The following PCNX4 variants were observed in gnomAD, a reference collection of about 807,000 sequenced individuals.
PCNX4 encodes pecanex-like protein 4.
In PCNX4, 103 loss-of-function variants were observed where a neutral mutation model predicts 107.2. The observed-to-expected ratio is 0.96, with a 90% CI of 0.82 to 1.13. The LOEUF (loss-of-function observed/expected upper bound fraction) is 1.13. Ranked by LOEUF, PCNX4 falls within the 50% of genes most tolerant of loss-of-function variation. The pLI, the probability that PCNX4 is intolerant of heterozygous loss-of-function variation, is 0.00. For missense variants in PCNX4, 1,528 were observed against 1,379.4 expected (o/e 1.11, Z -1.71); for synonymous variants, 541 against 481.7 (o/e 1.12, Z -1.61).
intron 1 of PCNX4, among the ~76,000 whole-genome samples, chr14:60,101,584 C>A (rs1340351097): frequency 6.6e-6 from 1 of 151,986 alleles, no homozygotes; most frequent in Non-Finnish European, 1.5e-5. Context: ...ATCAAAAAAA[C>A]AAAAGAGTGT....
rs1417003935 is a variant in PCNX4, at chr14:60,141,586, A to G, written c.*7365A>G. 1.3e-5 allele frequency: 2 copies of G among 152,194 alleles called. No individual in the cohort carries two copies. Among genetic ancestry groups the G allele is most frequent in the African/African-American group, 4.8e-5 (2 of 41,432 alleles). 9.4% of individuals were successfully genotyped at this position (152,194 alleles called of 1,614,324 possible). On this transcript the variant is annotated 3_prime_UTR_variant, in exon 11 of 11. Coordinates refer to ENST00000406854, the MANE Select transcript of PCNX4 (RefSeq NM_001330177.2). ...ACTCAACCAAGATGAAATAATCTGA[A>G]TATCCTATAACCATTAAAGAATTAA... is the stretch of plus-strand genomic sequence containing the variant.
intron 6 of PCNX4, among the ~76,000 whole-genome samples, chr14:60,117,388 T>C (rs1895869643): frequency 6.6e-6 from 1 of 152,206 alleles, no homozygotes; most frequent in South Asian, 2.1e-4. Flanking sequence ...TACTGTAACA[T>C]TCAGTACAGG....
chr14:60,110,024 T>A (rs1319675276), intron 2 of PCNX4: 1 of 167,048 alleles, frequency 6.0e-6, no homozygotes, highest in African/African-American at 2.4e-5. Context: ...GAACCAGAAC[T>A]TGAAGATTTG....
rs1251400810 is a variant in PCNX4 at position 60,115,759 on chromosome 14, T to C, written c.1398T>C (p.Ser466=). 2 of 1,613,404 alleles carry C rather than the reference T, an allele frequency of 1.2e-6. No homozygotes were observed. Among genetic ancestry groups the C allele is most frequent in the East Asian group, 4.5e-5 (2 of 44,862 alleles). Reference sequence around the variant, plus strand: ...TGATAGCATTTCTTTCATTGGACAGTTCCTTACAAGGGCTCCACTCAGTGT... The same window carrying C: ...TGATAGCATTTCTTTCATTGGACAGCTCCTTACAAGGGCTCCACTCAGTGT... ...FAMIAFLSLD[S]SLQGLHSVSV... Residue 466 remains serine (S), a synonymous_variant, in exon 5 of 11, where the codon AGT becomes AGC. Transcript: ENST00000406854.
At position 60,125,648 on chromosome 14, in the gene PCNX4, A is replaced by C. The variant is rs1174115378; in HGVS notation, c.3092A>C (p.Lys1031Thr). 1 of 1,525,722 alleles carries C rather than the reference A, an allele frequency of 6.6e-7. No homozygotes were observed. The highest frequency in any genetic ancestry group is 2.3e-5 in the Admixed American group (1 of 43,764). 94.5% of individuals were successfully genotyped at this position (1,525,722 alleles called of 1,614,324 possible). A position where few individuals can be genotyped will look rare whatever the true frequency, so the allele number is the denominator to read the frequency against. The stretch of plus-strand genomic sequence containing the variant: ...TCCATTTTTTTTAGGTATACTCTGA[A>C]ACTAATGATTGATAAAGCAAGTTTA... Reference protein sequence around the residue: ...LALKAFRYTLKLMIDKASLGP... With the variant: ...LALKAFRYTLTLMIDKASLGP... Residue 1031 changes from lysine (K) to threonine (T), a missense_variant, in exon 10 of 11, where the codon AAA becomes ACA. Coordinates refer to ENST00000406854, the MANE Select transcript of PCNX4 (RefSeq NM_001330177.2).
chr14:60,129,170 G>A (rs1466943139), intron 10 of PCNX4, among the ~76,000 whole-genome samples: 2 of 151,866 alleles, frequency 1.3e-5, no homozygotes, highest in Non-Finnish European at 2.9e-5. Flanking sequence ...AACCCAGAAG[G>A]TGGAGGTTGC....
chr14:60,129,205 A>C (rs1432049633), intron 10 of PCNX4, among the ~76,000 whole-genome samples: 1 of 148,252 alleles, frequency 6.7e-6, no homozygotes, highest in Non-Finnish European at 1.5e-5. Context: ...GCACCACTGC[A>C]CTCCAGCCTG....
At position 60,129,230 on chromosome 14, in the gene PCNX4, G is replaced by A. The variant is rs1367977041; in HGVS notation, c.3267+3407G>A. Among the ~76,000 whole-genome samples, 7 of 135,274 alleles carry A rather than the reference G, an allele frequency of 5.2e-5. No individual in the cohort carries two copies. The South Asian group carries it at 1.5e-3, about 28-fold the overall frequency. 88.7% of individuals were successfully genotyped at this position (135,274 alleles called of 152,430 possible). On this transcript the variant is annotated intron_variant, in intron 10 of 10. Transcript: ENST00000406854. ...ACTCCAGCCTGGGCAACAAGAGCGAGACTCCATCTCAAAAAAAAAAAAAGA... is the reference window on the plus strand; with the variant it reads ...ACTCCAGCCTGGGCAACAAGAGCGAAACTCCATCTCAAAAAAAAAAAAAGA...
At chr14:60,099,954 A>G (rs1895498163) in intron 1 of PCNX4, among the ~76,000 whole-genome samples, 1 of 152,162 alleles carries the variant, frequency 6.6e-6, no homozygotes, top group East Asian at 1.9e-4. Flanking sequence ...CGTCCCGGCT[A>G]CTTGGGAGGC....
chr14:60,113,457 C>T (rs1015807980), intron 2 of PCNX4, among the ~76,000 whole-genome samples: 9 of 152,074 alleles, frequency 5.9e-5, no homozygotes, highest in African/African-American at 2.2e-4. Context: ...GAACCTCCGC[C>T]TCCCAGGTTC....
chr14:60,131,218 C>T (rs1249919864), intron 10 of PCNX4, among the ~76,000 whole-genome samples: 3 of 151,988 alleles, frequency 2.0e-5, no homozygotes, highest in Non-Finnish European at 4.4e-5. Flanking sequence ...AGCTAAGACA[C>T]CAGAGTAATT....
rs1472912049 is a variant in PCNX4 at position 60,125,776 on chromosome 14, T to C, written c.3220T>C (p.Leu1074=). The C allele has an allele frequency of 1.2e-6, 2 of 1,611,008 alleles. No homozygotes were observed. Among genetic ancestry groups the C allele is most frequent in the African/African-American group, 2.7e-5 (2 of 74,784 alleles). ...TGATGAAAAGTGGAAGGAAGCAATT[T>C]TACAAGAAAAGCCATACTTGTTTTC... ...VSDEKWKEAI[L]QEKPYLFSLG... is the part of the protein sequence containing the mutation. The change falls in exon 10 of 11, where the codon TTA becomes CTA. Residue 1074 remains leucine (L), a synonymous_variant. Coordinates refer to ENST00000406854, the MANE Select transcript of PCNX4 (RefSeq NM_001330177.2).
Position 60,092,341 on chromosome 14 carries a change from A to T in PCNX4, c.-132A>T, listed in dbSNP as rs1354637193. 1 of 152,250 alleles carries T rather than the reference A, an allele frequency of 6.6e-6. No individual in the cohort carries two copies. The highest frequency in any genetic ancestry group is 1.5e-5 in the Non-Finnish European group (1 of 68,066). 9.4% of individuals were successfully genotyped at this position (152,250 alleles called of 1,614,324 possible). A position where few individuals can be genotyped will look rare whatever the true frequency, so the allele number is the denominator to read the frequency against. On this transcript the variant is annotated 5_prime_UTR_variant, in exon 1 of 11. Transcript: ENST00000406854. Reference sequence around the variant, plus strand: ...GGGCACTAACCAACCTCCCGGCGGGAGCGCCCAGCCCGAGTTTACCTGCAA... The same window carrying T: ...GGGCACTAACCAACCTCCCGGCGGGTGCGCCCAGCCCGAGTTTACCTGCAA...
Position 60,107,700 on chromosome 14 carries a change from C to A in PCNX4, c.62C>A (p.Pro21Gln). 9 of 1,612,822 alleles carry A rather than the reference C, an allele frequency of 5.6e-6. No homozygotes were observed. Among genetic ancestry groups the A allele is most frequent in the Non-Finnish European group, 7.6e-6 (9 of 1,179,876 alleles). Residue 21 changes from proline to glutamine, a missense_variant, in exon 2 of 11, where the codon CCA becomes CAA. Coordinates refer to ENST00000406854, the MANE Select transcript of PCNX4 (RefSeq NM_001330177.2). Reference sequence around the variant, plus strand: ...CAGGACTTCTTTCTGAAGCGCTTTCCACAGACTGTTCTTGGAGGCCCTCGA... The same window carrying A: ...CAGGACTTCTTTCTGAAGCGCTTTCAACAGACTGTTCTTGGAGGCCCTCGA... ...YKQDFFLKRF[P>Q]QTVLGGPRFK...
In PCNX4 at chr14:60,139,368, TACAAAGAG is replaced by T. The variant is rs1038646881; in HGVS notation, c.*5149_*5156del. The T allele has an allele frequency of 2.0e-5, 3 of 151,840 alleles. No homozygotes were observed. The highest frequency in any genetic ancestry group is 2.9e-5 in the Non-Finnish European group (2 of 67,862). 9.4% of individuals were successfully genotyped at this position (151,840 alleles called of 1,614,324 possible). A position where few individuals can be genotyped will look rare whatever the true frequency, so the allele number is the denominator to read the frequency against. On this transcript the variant is annotated 3_prime_UTR_variant, in exon 11 of 11. Coordinates refer to ENST00000406854, the MANE Select transcript of PCNX4 (RefSeq NM_001330177.2). ...ATGTAGACCTTAAGGTGAAAAGTAT[TACAAAGAG>T]AGACAATTTGTAATGATAAAAGATT...
At chr14:60,122,920 G>A (rs1047697878) in intron 8 of PCNX4, among the ~76,000 whole-genome samples, 2 of 152,096 alleles carry the variant, frequency 1.3e-5, no homozygotes, top group African/African-American at 4.8e-5. Context: ...GCAGTGCCCT[G>A]ACTAGTATTA....
intron 8 of PCNX4, among the ~76,000 whole-genome samples, chr14:60,122,152 C>G (rs188258423): frequency 1.3e-5 from 2 of 152,218 alleles, no homozygotes; most frequent in East Asian, 3.9e-4. Flanking sequence ...TCTCTTTTTA[C>G]CACCTTGGTC....
At chr14:60,094,725 C>T (rs1343122000) in intron 1 of PCNX4, among the ~76,000 whole-genome samples, 1 of 151,034 alleles carries the variant, frequency 6.6e-6, no homozygotes, top group African/African-American at 2.4e-5. Context: ...CCCCCCACCT[C>T]TGCAGGTTTT....
At position 60,140,618 on chromosome 14, in the gene PCNX4, A is replaced by C. The variant is rs1026708439; in HGVS notation, c.*6397A>C. ...TACACACATACACACACACACACACACCCCTACACACACAGAATAATCACA... is the reference window on the plus strand; with the variant it reads ...TACACACATACACACACACACACACCCCCCTACACACACAGAATAATCACA... On this transcript the variant is annotated 3_prime_UTR_variant, in exon 11 of 11. Coordinates refer to ENST00000406854, the MANE Select transcript of PCNX4 (RefSeq NM_001330177.2). This position sits in a 1 kb window ranked among gnomAD's most constrained non-coding sequence, Gnocchi z 4.2. The C allele has an allele frequency of 8.6e-5, 13 of 151,390 alleles. No individual in the cohort carries two copies. Among genetic ancestry groups the C allele is most frequent in the Admixed American group, 8.6e-4 (13 of 15,156 alleles). 9.4% of individuals were successfully genotyped at this position (151,390 alleles called of 1,614,324 possible).
Sources: gnomAD v4.1 joint callset for allele counts (sites outside exome capture counted in the v4.1 genomes callset) on GRCh38, gnomAD v4.1.1 for gene constraint, Gnocchi (gnomAD v3.1) non-coding constraint, MANE v1.5 for transcripts, NCBI Gene and HGNC (gene_info 2026-07-23, HGNC 2026-07-21) for gene names.